Variants in DSCAM observed in about 807,000 individuals in gnomAD.
DSCAM encodes the protein DS cell adhesion molecule, also known as cell adhesion molecule DSCAM.
DSCAM carries 47 observed loss-of-function variants against 217.7 expected under a neutral mutation model. That is an observed-to-expected ratio of 0.22 (90% CI 0.17 to 0.28). DSCAM has a LOEUF of 0.28. Ranked by LOEUF, DSCAM falls within the 10% of genes least tolerant of loss-of-function variation. DSCAM has a pLI of 1.00. For missense variants in DSCAM, 2,080 were observed against 2,618.3 expected (o/e 0.79, Z 4.49); for synonymous variants, 1,056 against 1,015.3 (o/e 1.04, Z -0.76).
intron 24 of DSCAM, among the ~76,000 whole-genome samples, chr21:40,081,746 A>G (rs1451838246): frequency 6.6e-6 from 1 of 152,176 alleles, no homozygotes; most frequent in Non-Finnish European, 1.5e-5. Flanking sequence ...CAGTGCCATC[A>G]GTGTCCATCA....
At chr21:40,548,992 T>C (rs898357521) in intron 3 of DSCAM, among the ~76,000 whole-genome samples, 2 of 152,062 alleles carry the variant, frequency 1.3e-5, no homozygotes, top group Non-Finnish European at 2.9e-5. Flanking sequence ...CCACTTAAGC[T>C]CAGGAGTTCG....
intron 3 of DSCAM, among the ~76,000 whole-genome samples, chr21:40,600,514 T>C (rs1345279797): frequency 2.0e-5 from 3 of 151,820 alleles, no homozygotes; most frequent in Non-Finnish European, 4.4e-5. Flanking sequence ...GGGAGACACA[T>C]ACATCCAGAC....
At chr21:40,736,383 G>A (rs918935505) in intron 1 of DSCAM, among the ~76,000 whole-genome samples, 2 of 152,028 alleles carry the variant, frequency 1.3e-5, no homozygotes, top group Non-Finnish European at 2.9e-5. Flanking sequence ...AAAGTCAGGG[G>A]GTAAGCTCAT....
chr21:40,568,591 T>C (rs1019134547), intron 3 of DSCAM, among the ~76,000 whole-genome samples: 2 of 152,162 alleles, frequency 1.3e-5, no homozygotes, highest in African/African-American at 4.8e-5. Flanking sequence ...TATAAACTTG[T>C]CTCCATTTTT....
intron 3 of DSCAM, among the ~76,000 whole-genome samples, chr21:40,467,839 A>G (rs750214606): frequency 2.6e-5 from 4 of 151,422 alleles, no homozygotes; most frequent in Non-Finnish European, 5.9e-5. Flanking sequence ...CCCCAAAATC[A>G]CTAAGCCCAA....
rs537128541 is a variant in DSCAM at position 40,270,268 on chromosome 21, G to T, written c.2356+5829C>A. 9.8e-4 allele frequency among the ~76,000 whole-genome samples: 149 copies of T among 152,314 alleles called. 1 individual carries two copies. The highest frequency in any genetic ancestry group is 1.9e-3 in the Non-Finnish European group (127 of 68,030). On this transcript the variant is annotated intron_variant, in intron 11 of 32. Transcript: ENST00000400454. ...TATGCTTAAACAATTCTGGGGACCA[G>T]AAGTGCAAAATCAAAGTGCTGGCAC...
At chr21:40,665,222 T>C (rs2090186929) in intron 3 of DSCAM, among the ~76,000 whole-genome samples, 1 of 152,088 alleles carries the variant, frequency 6.6e-6, no homozygotes, top group Non-Finnish European at 1.5e-5. Context: ...AGGTGGCAAA[T>C]TCAGAGTGAG....
chr21:40,827,329 C>T (rs941594878), intron 1 of DSCAM, among the ~76,000 whole-genome samples: 1 of 151,652 alleles, frequency 6.6e-6, no homozygotes, highest in African/African-American at 2.4e-5. Context: ...ATTAGCTGGA[C>T]GTGGTGGTGC....
At chr21:40,656,560 T>C (rs1459319201) in intron 3 of DSCAM, among the ~76,000 whole-genome samples, 1 of 152,012 alleles carries the variant, frequency 6.6e-6, no homozygotes, top group Non-Finnish European at 1.5e-5. Flanking sequence ...AAGTCCGGTA[T>C]GTTCTCCTCT....
intron 3 of DSCAM, among the ~76,000 whole-genome samples, chr21:40,611,620 G>C (rs933484373): frequency 1.3e-5 from 2 of 151,968 alleles, no homozygotes; most frequent in African/African-American, 4.8e-5. Flanking sequence ...TCACAAAGTT[G>C]GTGTCATTTG....
intron 16 of DSCAM, among the ~76,000 whole-genome samples, chr21:40,158,593 C>T (rs1157702475): frequency 6.6e-6 from 1 of 152,120 alleles, no homozygotes; most frequent in Admixed American, 6.5e-5. Context: ...CACACGGGCC[C>T]ACGGGAGCAA....
intron 1 of DSCAM, 124 bp downstream of exon 1, chr21:40,846,495 T>C (rs911797054): frequency 1.1e-5 from 4 of 350,670 alleles, no homozygotes; most frequent in African/African-American, 8.9e-5. Flanking sequence ...GCACGAAATT[T>C]TAAACACAGA....
chr21:40,349,010 T>C (rs1235628717), intron 5 of DSCAM, among the ~76,000 whole-genome samples: 2 of 150,756 alleles, frequency 1.3e-5, no homozygotes, highest in Non-Finnish European at 3.0e-5. Context: ...GGTGGCGGGC[T>C]CCTGTAGTCC....
At chr21:40,590,144 G>C (rs770214897) in intron 3 of DSCAM, among the ~76,000 whole-genome samples, 6 of 152,200 alleles carry the variant, frequency 3.9e-5, no homozygotes, top group Non-Finnish European at 7.3e-5. Context: ...AGTGCAACAG[G>C]ATTTTTACCC....
chr21:40,620,248 G>A (rs1176742834), intron 3 of DSCAM, among the ~76,000 whole-genome samples: 3 of 108,080 alleles, frequency 2.8e-5, no homozygotes, highest in African/African-American at 4.2e-5. Flanking sequence ...GAGAGAGAAA[G>A]AGAGAGAAAA....
At chr21:40,239,389 T>A (rs2146938580) in intron 11 of DSCAM, among the ~76,000 whole-genome samples, 1 of 152,330 alleles carries the variant, frequency 6.6e-6, no homozygotes, top group South Asian at 2.1e-4. Flanking sequence ...GTTTTGTATA[T>A]GCTATTTTTG....
chr21:40,200,640 T>C (rs2091060212), intron 11 of DSCAM, among the ~76,000 whole-genome samples: 1 of 152,220 alleles, frequency 6.6e-6, no homozygotes, highest in East Asian at 1.9e-4. Context: ...AGAACTTTGC[T>C]AGAGAAAATG....
intron 10 of DSCAM, among the ~76,000 whole-genome samples, chr21:40,284,352 T>C (rs1038768933): frequency 5.3e-5 from 8 of 152,122 alleles, no homozygotes; most frequent in Admixed American, 1.3e-4. Context: ...ACTGTGCAGG[T>C]AATATTTATG....
At chr21:40,198,710 G>T (rs1051588894) in intron 11 of DSCAM, among the ~76,000 whole-genome samples, 1 of 152,244 alleles carries the variant, frequency 6.6e-6, no homozygotes, top group African/African-American at 2.4e-5. Flanking sequence ...GGGGCTCCAG[G>T]GGGCAGGAAA....
Sources: gnomAD v4.1 joint callset for allele counts (sites outside exome capture counted in the v4.1 genomes callset) on GRCh38, gnomAD v4.1.1 for gene constraint, MANE v1.5 for transcripts, NCBI Gene and HGNC (gene_info 2026-07-23, HGNC 2026-07-21) for gene names.